The following RHOU variants were observed in gnomAD, a reference collection of about 807,000 sequenced individuals.
RHOU encodes the protein ras homolog family member U.
A neutral mutation model predicts 12.6 loss-of-function variants in RHOU; 8 were observed. The ratio of observed to expected loss-of-function variants is 0.64; its 90% confidence interval spans 0.37 to 1.15. RHOU has a LOEUF of 1.15. Ranked by LOEUF, RHOU falls within the 50% of genes most tolerant of loss-of-function variation. The pLI is 0.01. For missense variants in RHOU, 258 were observed against 347.0 expected (o/e 0.74, Z 2.04); for synonymous variants, 161 against 147.4 (o/e 1.09, Z -0.67).
chr1:228,683,113 G>GGCTAAAGT, the RHOU span, among the ~76,000 whole-genome samples: 1,615 of 152,110 alleles, frequency 0.011, 28 homozygotes, highest in African/African-American at 0.037. Flanking sequence ...GCCACCCTTG[G>GGCTAAAGT]GATCTGGGCT....
chr1:228,648,858 C>CTCTCTCTT, the RHOU span, among the ~76,000 whole-genome samples: 3 of 150,400 alleles, frequency 2.0e-5, no homozygotes, highest in African/African-American at 4.9e-5. Flanking sequence ...CTTCCTCTCT[C>CTCTCTCTT]TCTTTCTTTC....
the RHOU span, among the ~76,000 whole-genome samples, chr1:228,659,197 G>A: frequency 6.6e-6 from 1 of 152,066 alleles, no homozygotes; most frequent in East Asian, 1.9e-4. Context: ...TGACCAACAT[G>A]GAGAAACCCT....
the RHOU span, chr1:228,687,667 G>C: frequency 6.6e-7 from 1 of 1,522,872 alleles, no homozygotes; most frequent in Non-Finnish European, 9.0e-7. Flanking sequence ...CCCCATTTGT[G>C]TGACTTCATT....
the RHOU span, among the ~76,000 whole-genome samples, chr1:228,687,039 C>T: frequency 1.3e-5 from 2 of 151,708 alleles, no homozygotes; most frequent in African/African-American, 4.8e-5. Context: ...CGTGCCTGGC[C>T]GGCAAGGGAG....
Position 228,745,748 on chromosome 1 carries a change from G to A in RHOU, c.*2008G>A, listed in dbSNP as rs190377116. 6.6e-6 allele frequency: 1 copy of A among 152,334 alleles called. No individual in the cohort carries two copies. The highest frequency in any genetic ancestry group is 2.4e-5 in the African/African-American group (1 of 41,568). The allele number at this position is 152,334 out of a possible 1,614,324, so 9.4% of individuals were successfully genotyped here. The stretch of plus-strand genomic sequence containing the variant: ...TATCTGTGGAAAGCTAGGCTTCCCA[G>A]GCTGGGCTCTGCCTGTCTGGTGCCT... On this transcript the variant is annotated 3_prime_UTR_variant, in exon 3 of 3. Transcript: ENST00000366691.
chr1:228,660,688 T>G, the RHOU span, among the ~76,000 whole-genome samples: 5 of 151,772 alleles, frequency 3.3e-5, no homozygotes, highest in African/African-American at 1.2e-4. Flanking sequence ...AATCCTAGCA[T>G]TTTAGGAGGC....
chr1:228,659,068 C>T, the RHOU span, among the ~76,000 whole-genome samples: 1 of 149,128 alleles, frequency 6.7e-6, no homozygotes, highest in Non-Finnish European at 1.5e-5. Context: ...GTGTGAAATG[C>T]TTACGTTTTA....
the RHOU span, among the ~76,000 whole-genome samples, chr1:228,646,528 G>C: frequency 1.2e-3 from 130 of 112,786 alleles, no homozygotes; most frequent in Middle Eastern, 4.0e-3. Flanking sequence ...CCAGCCGCGC[G>C]GGGCCTTTCT....
At chr1:228,647,815 G>A in the RHOU span, 1 of 152,326 alleles carries the variant, frequency 6.6e-6, no homozygotes, top group Non-Finnish European at 1.5e-5. Context: ...GGGCTGTTGT[G>A]TGGGCTTGGG....
chr1:228,661,743 C>T, the RHOU span, among the ~76,000 whole-genome samples: 1 of 152,200 alleles, frequency 6.6e-6, no homozygotes, highest in Non-Finnish European at 1.5e-5. Flanking sequence ...AAAACCTAGG[C>T]AATACCATTC....
the RHOU span, among the ~76,000 whole-genome samples, chr1:228,727,323 T>A: frequency 6.6e-6 from 1 of 152,164 alleles, no homozygotes; most frequent in African/African-American, 2.4e-5. Context: ...TCTCTTTTTT[T>A]CTGGGACAGT....
chr1:228,732,198 A>G (rs1374283442), upstream of RHOU, among the ~76,000 whole-genome samples: 2 of 152,174 alleles, frequency 1.3e-5, no homozygotes, highest in Non-Finnish European at 1.5e-5. Context: ...TTAAGCACCT[A>G]CTACTTGCCC....
chr1:228,725,846 T>C, the RHOU span, among the ~76,000 whole-genome samples: 3 of 152,200 alleles, frequency 2.0e-5, no homozygotes, highest in East Asian at 3.8e-4. Context: ...AGGGACTCAA[T>C]AAATCTTCAC....
At chr1:228,651,416 G>A in the RHOU span, 1 of 154,472 alleles carries the variant, frequency 6.5e-6, no homozygotes, top group African/African-American at 2.4e-5. Flanking sequence ...CCCAAGAGCA[G>A]CTATGACTTT....
chr1:228,651,099 A>T, the RHOU span: 2 of 229,366 alleles, frequency 8.7e-6, no homozygotes, highest in Non-Finnish European at 1.9e-5. Flanking sequence ...GCCTTCAATT[A>T]TGTCAAGTGG....
At chr1:228,732,129 C>T (rs1662511133), upstream of RHOU, among the ~76,000 whole-genome samples, 2 of 151,960 alleles carry the variant, frequency 1.3e-5, no homozygotes, top group Non-Finnish European at 2.9e-5. Flanking sequence ...TTTGCAGAAC[C>T]GTCAAGTTCA....
chr1:228,717,656 C>A, the RHOU span, among the ~76,000 whole-genome samples: 1 of 152,208 alleles, frequency 6.6e-6, no homozygotes, highest in South Asian at 2.1e-4. Flanking sequence ...TGCTCTCTGA[C>A]ATCTTGATGT....
the RHOU span, among the ~76,000 whole-genome samples, chr1:228,677,749 A>G: frequency 1.3e-5 from 2 of 152,176 alleles, no homozygotes; most frequent in Non-Finnish European, 2.9e-5. Flanking sequence ...CTTGCCACTG[A>G]AGATCTTCTA....
At chr1:228,702,063 T>C in the RHOU span, among the ~76,000 whole-genome samples, 1 of 152,136 alleles carries the variant, frequency 6.6e-6, no homozygotes, top group African/African-American at 2.4e-5. Context: ...TTAGCTTTTT[T>C]ATATCACAGA....
Sources: allele counts gnomAD v4.1 joint callset (sites outside exome capture counted in the v4.1 genomes callset), GRCh38; gene constraint gnomAD v4.1.1; transcripts MANE v1.5; gene names NCBI Gene and HGNC (gene_info 2026-07-23, HGNC 2026-07-21).